The following ANKRD46 variants were observed in gnomAD, a reference collection of about 807,000 sequenced individuals.
ANKRD46 encodes ankyrin repeat domain-containing protein 46.
Under a neutral mutation model 19.8 loss-of-function variants are expected in ANKRD46, and 13 were observed. The observed-to-expected ratio is 0.66, with a 90% CI of 0.43 to 1.04. The LOEUF (loss-of-function observed/expected upper bound fraction) is 1.04. Among genes scored for constraint, ANKRD46 ranks in the 50% least tolerant of loss-of-function variants. The pLI is 0.00. For synonymous variants in ANKRD46, 91 were observed against 106.9 expected (o/e 0.85, Z 0.92); for missense variants, 185 against 274.8 (o/e 0.67, Z 2.31).
rs888553942 is a variant in ANKRD46, at chr8:100,543,074, T to C, written c.-130-9763A>G. On this transcript the variant is annotated intron_variant, in intron 1 of 4. Transcript: ENST00000335659. This position sits in a 1 kb window ranked among gnomAD's most constrained non-coding sequence, Gnocchi z 4.2. ...GACAAGTTCCTATATCAGTTTCCCA[T>C]GGAGCTATTTTTGCAAACTGCCCAG... 6.6e-6 allele frequency among the ~76,000 whole-genome samples: 1 copy of C among 152,166 alleles called. No homozygotes were observed. The highest frequency in any genetic ancestry group is 2.4e-5 in the African/African-American group (1 of 41,454).
chr8:100,525,708 A>C lies in ANKRD46; in HGVS notation c.470+2137T>G, dbSNP rs2130649210. On this transcript the variant is annotated intron_variant, in intron 4 of 4. Coordinates refer to ENST00000335659, the MANE Select transcript of ANKRD46 (RefSeq NM_001270377.2). This position sits in a 1 kb window ranked among gnomAD's most constrained non-coding sequence, Gnocchi z 4.4. ...GAATAATGCTGCTATGAACATTCAT[A>C]TATAAGTTTTGTGTGGACATATGTT... 6.6e-6 allele frequency among the ~76,000 whole-genome samples: 1 copy of C among 152,344 alleles called. No individual in the cohort carries two copies. Among genetic ancestry groups the C allele is most frequent in the South Asian group, 2.1e-4 (1 of 4,830 alleles).
rs190074566 is a variant in ANKRD46 at position 100,525,431 on chromosome 8, G to A, written c.470+2414C>T. 3.9e-5 allele frequency among the ~76,000 whole-genome samples: 6 copies of A among 152,204 alleles called. No individual in the cohort carries two copies. The East Asian group carries it at 1.2e-3, about 29-fold the overall frequency. On this transcript the variant is annotated intron_variant, in intron 4 of 4. Transcript: ENST00000335659. The surrounding 1 kb of genome is among the most constrained non-coding windows in gnomAD (Gnocchi z 4.4). ...CCATTGCCCCTTCTCCCAGCTTCTA[G>A]TCTACTTTCTCATCTACTTTCTGTC... is the stretch of plus-strand genomic sequence containing the variant.
Position 100,529,153 on chromosome 8 carries a change from G to A in ANKRD46, c.311+370C>T, listed in dbSNP as rs1811906176. 6.6e-6 allele frequency among the ~76,000 whole-genome samples: 1 copy of A among 152,156 alleles called. No individual in the cohort carries two copies. Among genetic ancestry groups the A allele is most frequent in the Admixed American group, 6.5e-5 (1 of 15,276 alleles). On this transcript the variant is annotated intron_variant, in intron 3 of 4. Transcript: ENST00000335659. This position sits in a 1 kb window ranked among gnomAD's most constrained non-coding sequence, Gnocchi z 5.8. ...CTTTTTTGTCTTCACTATCTAATCT[G>A]TAAAATGAAAACACCTATTGTGAGA...
intron 1 of ANKRD46, among the ~76,000 whole-genome samples, chr8:100,540,180 T>C (rs1010780393): frequency 2.8e-5 from 4 of 144,506 alleles, no homozygotes; most frequent in Middle Eastern, 7.2e-3. Context: ...ACTATCACTA[T>C]ACTCATTTCA....
chr8:100,520,880 C>G lies in ANKRD46; in HGVS notation c.*1675G>C, dbSNP rs114774398. ...AAGGAACCATTAATCTTTAAAAATGCTATATACTTACATTTTGACCAATTT... is the reference window on the plus strand; with the variant it reads ...AAGGAACCATTAATCTTTAAAAATGGTATATACTTACATTTTGACCAATTT... On this transcript the variant is annotated 3_prime_UTR_variant, in exon 5 of 5. Transcript: ENST00000335659. 2,538 of 983,438 alleles carry G rather than the reference C, an allele frequency of 2.6e-3. 49 individuals are homozygous for G. The African/African-American group carries it at 0.04, about 15-fold the overall frequency. The allele number at this position is 983,438 out of a possible 1,614,324, so 60.9% of individuals were successfully genotyped here.
intron 1 of ANKRD46, among the ~76,000 whole-genome samples, chr8:100,540,134 T>C (rs1000616017): frequency 2.6e-5 from 4 of 152,164 alleles, no homozygotes; most frequent in African/African-American, 9.7e-5. Context: ...TAATAACTCA[T>C]TTAATCCTCA....
chr8:100,520,937 A>G lies in ANKRD46; in HGVS notation c.*1618T>C. On this transcript the variant is annotated 3_prime_UTR_variant, in exon 5 of 5. Transcript: ENST00000335659. ...TTTGTTTAGATTTACAAACAAATGTAAAGCTAATTCCAAAGTTTTCTTCTG... is the reference window on the plus strand; with the variant it reads ...TTTGTTTAGATTTACAAACAAATGTGAAGCTAATTCCAAAGTTTTCTTCTG... 1.0e-6 allele frequency: 1 copy of G among 984,990 alleles called. No individual in the cohort carries two copies. The highest frequency in any genetic ancestry group is 1.2e-6 in the Non-Finnish European group (1 of 829,534). The allele number at this position is 984,990 out of a possible 1,614,324, so 61.0% of individuals were successfully genotyped here.
In ANKRD46 at chr8:100,558,744, T is replaced by G. The variant is rs76233354; in HGVS notation, c.-131+967A>C. Among the ~76,000 whole-genome samples, 437 of 152,184 alleles carry G rather than the reference T, an allele frequency of 2.9e-3. 5 individuals carry two copies. The highest frequency in any genetic ancestry group is 0.01 in the African/African-American group (424 of 41,522). On this transcript the variant is annotated intron_variant, in intron 1 of 4. Coordinates refer to ENST00000335659, the MANE Select transcript of ANKRD46 (RefSeq NM_001270377.2). ...GAAGTAAGGGAGATGAGACCAAATC[T>G]CGCTCAGCCTTTGCTAGCTTTCTGA...
chr8:100,512,791 A>C (rs1275397440), intron 5 of ANKRD46, among the ~76,000 whole-genome samples: 1 of 152,266 alleles, frequency 6.6e-6, no homozygotes, highest in African/African-American at 2.4e-5. Flanking sequence ...GAACTCAATC[A>C]AAATCATCCT....
Position 100,522,064 on chromosome 8 carries a change from A to C in ANKRD46, c.*491T>G. Reference sequence around the variant, plus strand: ...ATGCTAACAATACTAATTTGCACACAAGATTTGAAAAAAGTACTTCAAGTT... The same window carrying C: ...ATGCTAACAATACTAATTTGCACACCAGATTTGAAAAAAGTACTTCAAGTT... On this transcript the variant is annotated 3_prime_UTR_variant, in exon 5 of 5. Coordinates refer to ENST00000335659, the MANE Select transcript of ANKRD46 (RefSeq NM_001270377.2). The C allele has an allele frequency of 1.0e-6, 1 of 987,008 alleles. No homozygotes were observed. The highest frequency in any genetic ancestry group is 1.2e-6 in the Non-Finnish European group (1 of 830,772). 61.1% of individuals were successfully genotyped at this position (987,008 alleles called of 1,614,324 possible).
intron 1 of ANKRD46, among the ~76,000 whole-genome samples, chr8:100,548,527 A>C (rs1812317407): frequency 6.6e-6 from 1 of 152,212 alleles, no homozygotes; most frequent in African/African-American, 2.4e-5. Flanking sequence ...TGTATTGTAC[A>C]TCTCCTCAGT....
chr8:100,542,817 G>C (rs1250194006), intron 1 of ANKRD46, among the ~76,000 whole-genome samples: 2 of 152,084 alleles, frequency 1.3e-5, no homozygotes, highest in Non-Finnish European at 2.9e-5. Context: ...GGTGGGGCAA[G>C]AAGTGGAAGA....
At chr8:100,514,520 A>G (rs1006968150) in intron 5 of ANKRD46, among the ~76,000 whole-genome samples, 2 of 151,704 alleles carry the variant, frequency 1.3e-5, no homozygotes, top group Non-Finnish European at 2.9e-5. Flanking sequence ...ATCTTTAGGG[A>G]AAAAAAGGGA....
In ANKRD46 at chr8:100,511,917, C is replaced by G. The variant is rs887227258; in HGVS notation, c.637-1278G>C. ...GTGCATGCCTGTAACCCCAGCTACT[C>G]GGGAAGCTGAGTCAGAAGAATTGCT... On this transcript the variant is annotated intron_variant, in intron 5 of 5. Coordinates refer to the ANKRD46 transcript ENST00000520552. The surrounding 1 kb of genome is among the most constrained non-coding windows in gnomAD (Gnocchi z 4.1). Among the ~76,000 whole-genome samples the G allele has an allele frequency of 6.6e-6, 1 of 152,144 alleles. No homozygotes were observed. Among genetic ancestry groups the G allele is most frequent in the Non-Finnish European group, 1.5e-5 (1 of 68,044 alleles).
At chr8:100,540,534 C>G (rs1195655704) in intron 1 of ANKRD46, among the ~76,000 whole-genome samples, 3 of 152,194 alleles carry the variant, frequency 2.0e-5, no homozygotes, top group South Asian at 2.1e-4. Flanking sequence ...TTAGACTCAT[C>G]ATTCTCAAGT....
chr8:100,554,299 A>G (rs1812451559), intron 1 of ANKRD46, among the ~76,000 whole-genome samples: 1 of 147,220 alleles, frequency 6.8e-6, no homozygotes, highest in African/African-American at 2.5e-5. Context: ...GATAAGCTTC[A>G]GAAAAACTGA....
chr8:100,528,027 AGTTTAT>A, intron 3 of ANKRD46, 24 bp from the exon 4 acceptor site: 3 of 1,468,486 alleles, frequency 2.0e-6, no homozygotes, highest in East Asian at 2.4e-5. Context: ...AAAAAAAAAA[AGTTTAT>A]AAAAATAAAG....
rs117968477 is a variant in ANKRD46, at chr8:100,513,044, T to C, written c.637-2405A>G. ...ATGGGGTCTTATAAGGCCACTGCTATGAAAAACCATGAACAGGATTTGTAA... is the reference window on the plus strand; with the variant it reads ...ATGGGGTCTTATAAGGCCACTGCTACGAAAAACCATGAACAGGATTTGTAA... On this transcript the variant is annotated intron_variant, in intron 5 of 5. Coordinates refer to the ANKRD46 transcript ENST00000520552. Among the ~76,000 whole-genome samples the C allele has an allele frequency of 2.7e-3, 405 of 152,304 alleles. 2 individuals carry two copies. The highest frequency in any genetic ancestry group is 4.3e-3 in the Non-Finnish European group (294 of 68,022).
rs1811721450 is a variant in ANKRD46 at position 100,521,419 on chromosome 8, AC to A, written c.*1135del. The stretch of plus-strand genomic sequence containing the variant: ...TAATTCATACATTACAGAATCATTA[AC>A]AAAAGAGGCCTTCAAACATACTGCT... On this transcript the variant is annotated 3_prime_UTR_variant, in exon 5 of 5. Coordinates refer to ENST00000335659, the MANE Select transcript of ANKRD46 (RefSeq NM_001270377.2). The A allele has an allele frequency of 2.0e-6, 2 of 985,454 alleles. No individual in the cohort carries two copies. The highest frequency in any genetic ancestry group is 5.2e-4 in the Middle Eastern group (1 of 1,914). 61.0% of individuals were successfully genotyped at this position (985,454 alleles called of 1,614,324 possible). A position where few individuals can be genotyped will look rare whatever the true frequency, so the allele number is the denominator to read the frequency against.
Sources: gnomAD v4.1 joint callset for allele counts (sites outside exome capture counted in the v4.1 genomes callset) on GRCh38, gnomAD v4.1.1 for gene constraint, Gnocchi (gnomAD v3.1) non-coding constraint, MANE v1.5 for transcripts, NCBI Gene and HGNC (gene_info 2026-07-23, HGNC 2026-07-21) for gene names.